The following INO80D variants were observed in gnomAD, a reference collection of about 807,000 sequenced individuals.
INO80D encodes INO80 complex subunit D.
Under a neutral mutation model 87.6 loss-of-function variants are expected in INO80D, and 21 were observed. The ratio of observed to expected loss-of-function variants is 0.24; its 90% CI spans 0.17 to 0.35. INO80D has a LOEUF of 0.35. Ranked by LOEUF, INO80D falls within the 10% of genes least tolerant of loss-of-function variation. The probability of loss-of-function intolerance (pLI) is 1.00; values close to 1 mark genes in which losing one functional copy is unlikely to be tolerated. For synonymous variants in INO80D, 440 were observed against 491.0 expected, an observed-to-expected ratio of 0.90 and a Z score of 1.37; for missense variants, 982 against 1,280.7, an observed-to-expected ratio of 0.77 and a Z score of 3.56.
At chr2:206,078,805 G>T (rs1195504113) in intron 1 of INO80D, among the ~76,000 whole-genome samples, 8 of 152,110 alleles carry the variant, frequency 5.3e-5, no homozygotes, top group Non-Finnish European at 1.2e-4. Flanking sequence ...ATTACTGGGT[G>T]TGGTGGTGGG....
At chr2:206,069,538 G>A (rs2105899018) in intron 1 of INO80D, among the ~76,000 whole-genome samples, 1 of 152,198 alleles carries the variant, frequency 6.6e-6, no homozygotes, top group East Asian at 1.9e-4. Flanking sequence ...CTGAGGTCAG[G>A]AGTTCTAATG....
In INO80D at chr2:206,017,946, G is replaced by C. The variant is rs946435892; in HGVS notation, c.1409-133C>G. 23 of 706,948 alleles carry C rather than the reference G, an allele frequency of 3.3e-5. No individual in the cohort carries two copies. In the African/African-American group the frequency reaches 4.0e-4, roughly 12 times the overall value. The allele number at this position is 706,948 out of a possible 1,614,324, so 43.8% of individuals were successfully genotyped here. A position where few individuals can be genotyped will look rare whatever the true frequency, so the allele number is the denominator to read the frequency against. On this transcript the variant is annotated intron_variant, in intron 7 of 10. Transcript: ENST00000403263. Reference sequence around the variant, plus strand: ...CATAATATAAATATTACCCATATCAGTACTAGCTCAACTACTGATATGGGA... The same window carrying C: ...CATAATATAAATATTACCCATATCACTACTAGCTCAACTACTGATATGGGA...
chr2:206,029,121 C>T (rs1485410191), intron 5 of INO80D, among the ~76,000 whole-genome samples: 3 of 152,012 alleles, frequency 2.0e-5, no homozygotes, highest in Non-Finnish European at 4.4e-5. Context: ...ATCTCCTGAC[C>T]TTGTCATCCA....
At chr2:206,080,385 C>T (rs747277607) in intron 1 of INO80D, among the ~76,000 whole-genome samples, 1 of 152,152 alleles carries the variant, frequency 6.6e-6, no homozygotes, top group Non-Finnish European at 1.5e-5. Flanking sequence ...TGCTCCTTTG[C>T]CCTCGGTGTA....
At chr2:206,058,263 C>G (rs988513691) in intron 3 of INO80D, among the ~76,000 whole-genome samples, 4 of 151,170 alleles carry the variant, frequency 2.6e-5, no homozygotes, top group Non-Finnish European at 5.9e-5. Flanking sequence ...ATTAAAAATA[C>G]AAAAAATTAG....
At position 206,086,068 on chromosome 2, in the gene INO80D, A is replaced by G. The variant is rs1316739835; in HGVS notation, c.-291T>C. ...CTGTCAAGCAAGAGGGGTGAGGATCATATTTTTATTTTGGAAACTAAAAAG... is the reference window on the plus strand; with the variant it reads ...CTGTCAAGCAAGAGGGGTGAGGATCGTATTTTTATTTTGGAAACTAAAAAG... On this transcript the variant is annotated 5_prime_UTR_variant, in exon 1 of 11. An upstream start codon of the reference 5' UTR is lost. Transcript: ENST00000403263. 1 of 152,190 alleles carries G rather than the reference A, an allele frequency of 6.6e-6. No homozygotes were observed. Among genetic ancestry groups the G allele is most frequent in the African/African-American group, 2.4e-5 (1 of 41,436 alleles). The allele number at this position is 152,190 out of a possible 1,614,324, so 9.4% of individuals were successfully genotyped here.
chr2:206,054,544 C>T (rs1267940673), intron 4 of INO80D, among the ~76,000 whole-genome samples: 3 of 152,056 alleles, frequency 2.0e-5, no homozygotes, highest in African/African-American at 7.2e-5. Context: ...GACAGGGTCT[C>T]GCTCTGTCAC....
At chr2:206,055,964 CT>C (rs1245570698) in intron 4 of INO80D, among the ~76,000 whole-genome samples, 4 of 152,080 alleles carry the variant, frequency 2.6e-5, no homozygotes, top group Admixed American at 2.0e-4. Context: ...CTTGAGTATC[CT>C]CAAATTTTAG....
intron 1 of INO80D, among the ~76,000 whole-genome samples, chr2:206,064,582 C>T (rs1279462943): frequency 6.6e-6 from 1 of 152,164 alleles, no homozygotes; most frequent in African/African-American, 2.4e-5. Flanking sequence ...TGTCAGTTTT[C>T]TCATCTGTAA....
Position 206,074,726 on chromosome 2 carries a change from G to A in INO80D, c.-124+11175C>T, listed in dbSNP as rs140110907. ...AGGCTGAGGTGGGAGGATCAACTGA[G>A]GTTAGGAGTTCAAGACCAGCCTGAC... is the stretch of plus-strand genomic sequence containing the variant. On this transcript the variant is annotated intron_variant, in intron 1 of 10. Transcript: ENST00000403263. Among the ~76,000 whole-genome samples the A allele has an allele frequency of 6.3e-3, 958 of 152,356 alleles. 12 individuals are homozygous for A. The highest frequency in any genetic ancestry group is 0.022 in the African/African-American group (908 of 41,584).
intron 7 of INO80D, among the ~76,000 whole-genome samples, chr2:206,019,532 T>C (rs1688404013): frequency 6.6e-6 from 1 of 152,264 alleles, no homozygotes; most frequent in Non-Finnish European, 1.5e-5. Context: ...CTATTTGCTA[T>C]CAATTTTGCT....
At chr2:206,076,514 C>A (rs1398886364) in intron 1 of INO80D, among the ~76,000 whole-genome samples, 1 of 152,188 alleles carries the variant, frequency 6.6e-6, no homozygotes, top group Non-Finnish European at 1.5e-5. Flanking sequence ...GAAAATCTAT[C>A]AACTGATGTG....
chr2:206,033,326 C>T (rs1688816632), intron 5 of INO80D, among the ~76,000 whole-genome samples: 1 of 152,118 alleles, frequency 6.6e-6, no homozygotes, highest in Non-Finnish European at 1.5e-5. Flanking sequence ...CAAGATAGAC[C>T]ATATGCTAGA....
At chr2:206,065,034 T>G (rs1689777315) in intron 1 of INO80D, among the ~76,000 whole-genome samples, 1 of 152,092 alleles carries the variant, frequency 6.6e-6, no homozygotes, top group African/African-American at 2.4e-5. Context: ...TGCAGAAGAA[T>G]GAAACTAGAC....
Position 206,019,772 on chromosome 2 carries a change from T to C in INO80D, c.1372A>G (p.Asn458Asp). 3.7e-6 allele frequency: 6 copies of C among 1,613,880 alleles called. No individual in the cohort carries two copies. The highest frequency in any genetic ancestry group is 4.2e-6 in the Non-Finnish European group (5 of 1,179,828). ...SGTVKGEQCA[N>D]KALPFTRHCF... Reference sequence around the variant, plus strand: ...TGTCTGGTGAATGGAAGGGCTTTGTTAGCGCACTGTTCACCCTTCACGGTT... The same window carrying C: ...TGTCTGGTGAATGGAAGGGCTTTGTCAGCGCACTGTTCACCCTTCACGGTT... Residue 458 changes from asparagine to aspartate, a missense_variant, in exon 7 of 11, where the codon AAC (asparagine) becomes GAC (aspartate). Physicochemically the swap from Asn to Asp is conservative, Grantham distance 23 (BLOSUM62 1). Coordinates refer to ENST00000403263, the MANE Select transcript of INO80D (RefSeq NM_017759.5).
chr2:206,024,331 C>T (rs1688544902), intron 6 of INO80D, among the ~76,000 whole-genome samples: 1 of 152,028 alleles, frequency 6.6e-6, no homozygotes, highest in Admixed American at 6.6e-5. Context: ...GTACAGAGCA[C>T]AGTAGGCATA....
chr2:206,039,810 CAA>C (rs35689223), intron 5 of INO80D, among the ~76,000 whole-genome samples: 30,529 of 101,184 alleles, frequency 0.3, 2,744 homozygotes, highest in Admixed American at 0.37. Context: ...CCTCTGTCTC[CAA>C]AAAAAAAAAA....
intron 5 of INO80D, among the ~76,000 whole-genome samples, chr2:206,032,784 A>G (rs1261190599): frequency 6.6e-6 from 1 of 152,202 alleles, no homozygotes; most frequent in South Asian, 2.1e-4. Context: ...AGAATTCACC[A>G]TGACCAAACC....
At chr2:206,020,601 T>C (rs1245773413) in intron 6 of INO80D, among the ~76,000 whole-genome samples, 3 of 152,254 alleles carry the variant, frequency 2.0e-5, no homozygotes, top group East Asian at 3.9e-4. Flanking sequence ...TGTTTCATTA[T>C]TTAAATTTTT....
Sources: allele counts gnomAD v4.1 joint callset (sites outside exome capture counted in the v4.1 genomes callset), GRCh38; gene constraint gnomAD v4.1.1; transcripts MANE v1.5; gene names NCBI Gene and HGNC (gene_info 2026-07-23, HGNC 2026-07-21).